MYOM1: variants seen among roughly 807,000 people sequenced by gnomAD.
MYOM1 encodes the protein myomesin 1.
Under a neutral mutation model 205.3 loss-of-function variants are expected in MYOM1, and 164 were observed. The ratio of observed to expected loss-of-function variants is 0.80; its 90% CI spans 0.70 to 0.91. The LOEUF is 0.91. Ranked by LOEUF, MYOM1 falls within the 40% of genes least tolerant of loss-of-function variation. The probability of loss-of-function intolerance (pLI) is 0.00; values close to 1 mark genes in which losing one functional copy is unlikely to be tolerated. For missense variants in MYOM1, 2,011 were observed against 2,127.3 expected, an observed-to-expected ratio of 0.95 and a Z score of 1.08; for synonymous variants, 772 against 789.4, an observed-to-expected ratio of 0.98 and a Z score of 0.37.
chr18:3,227,898 C>T, the MYOM1 span, among the ~76,000 whole-genome samples: 1 of 152,122 alleles, frequency 6.6e-6, no homozygotes, highest in Non-Finnish European at 1.5e-5. Context: ...TACTTACTGC[C>T]ACTGAACTGT....
chr18:3,120,690 A>G (rs565083362), intron 19 of MYOM1, among the ~76,000 whole-genome samples: 62 of 152,308 alleles, frequency 4.1e-4, no homozygotes, highest in African/African-American at 1.4e-3. Context: ...TTTGCTATGT[A>G]GCAATAGAAA....
intron 3 of MYOM1, among the ~76,000 whole-genome samples, 199 bp downstream of exon 3, chr18:3,193,619 T>C (rs1476837358): frequency 3.3e-5 from 5 of 152,150 alleles, no homozygotes; most frequent in African/African-American, 1.2e-4. Context: ...GGTTCCCAGC[T>C]TCCTCAGATC....
intron 10 of MYOM1, among the ~76,000 whole-genome samples, chr18:3,161,920 C>T (rs1321413085): frequency 6.6e-6 from 1 of 152,096 alleles, no homozygotes; most frequent in African/African-American, 2.4e-5. Context: ...GCCTAGAGGT[C>T]CTTCTGAGAG....
In MYOM1 at chr18:3,205,776, G is replaced by GTA. The variant is rs537097877; in HGVS notation, c.290+9156_290+9157dup. Among the ~76,000 whole-genome samples the GTA allele has an allele frequency of 1.3e-3, 194 of 152,196 alleles. 7 individuals carry two copies. In the South Asian group the frequency reaches 0.035, roughly 28 times the overall value. ...ATCTCCTTGTTCAATCGTTCACAAT[G>GTA]TATATACATATAACACGTTATAATA... On this transcript the variant is annotated intron_variant, in intron 2 of 37. Coordinates refer to ENST00000356443, the MANE Select transcript of MYOM1 (RefSeq NM_003803.4).
In MYOM1 at chr18:3,215,152, G is replaced by C; in HGVS notation, c.72C>G (p.Ser24Arg). The C allele has an allele frequency of 6.2e-7, 1 of 1,613,798 alleles. No homozygotes were observed. Among genetic ancestry groups the C allele is most frequent in the Non-Finnish European group, 8.5e-7 (1 of 1,179,846 alleles). ...TCTCCCGCTGGTAGTGACTCACGGTGCTGCGCACGTCCTTGTTGCGGTAGC... is the reference window on the plus strand; with the variant it reads ...TCTCCCGCTGGTAGTGACTCACGGTCCTGCGCACGTCCTTGTTGCGGTAGC... ...DLSYRNKDVR[S>R]TVSHYQREKK... Residue 24 changes from serine (S) to arginine (R), a missense_variant, in exon 2 of 38, where the codon AGC becomes AGG. By Grantham distance (110) the Ser-to-Arg change is moderately radical. Coordinates refer to ENST00000356443, the MANE Select transcript of MYOM1 (RefSeq NM_003803.4).
At chr18:3,203,114 A>G (rs144001848) in intron 2 of MYOM1, among the ~76,000 whole-genome samples, 4 of 151,720 alleles carry the variant, frequency 2.6e-5, no homozygotes, top group Non-Finnish European at 5.9e-5. Context: ...CAAAAACACA[A>G]CTTATTAAAA....
At chr18:3,240,883 C>G in the MYOM1 span, among the ~76,000 whole-genome samples, 1 of 152,282 alleles carries the variant, frequency 6.6e-6, no homozygotes, top group East Asian at 1.9e-4. Context: ...TTGTTGGGAA[C>G]TGGAGTAAAG....
At chr18:3,096,585 C>T (rs966352550) in intron 25 of MYOM1, among the ~76,000 whole-genome samples, 20 of 151,900 alleles carry the variant, frequency 1.3e-4, no homozygotes, top group Admixed American at 3.9e-4. Context: ...GGATTACAGG[C>T]GAGAGCCACC....
intron 17 of MYOM1, among the ~76,000 whole-genome samples, chr18:3,130,618 AT>A (rs1205971001): frequency 6.6e-6 from 1 of 151,624 alleles, no homozygotes; most frequent in Non-Finnish European, 1.5e-5. Flanking sequence ...TGCCTGGCTA[AT>A]TTTTTTTATT....
At chr18:3,226,362 C>T in the MYOM1 span, among the ~76,000 whole-genome samples, 8,191 of 152,140 alleles carry the variant, frequency 0.054, 510 homozygotes, top group African/African-American at 0.16. This position sits in a 1 kb window ranked among gnomAD's most constrained non-coding sequence, Gnocchi z 4.6. Context: ...CCTATTCTTC[C>T]CCAGGTGGCC....
chr18:3,242,098 T>C, the MYOM1 span, among the ~76,000 whole-genome samples: 1 of 152,212 alleles, frequency 6.6e-6, no homozygotes, highest in African/African-American at 2.4e-5. Flanking sequence ...GATTTTGGAC[T>C]GTGGACTTCT....
At chr18:3,089,293 A>T in intron 28 of MYOM1, 52 bp from the exon 29 acceptor site, 1 of 1,405,996 alleles carries the variant, frequency 7.1e-7, no homozygotes, top group Non-Finnish European at 1.0e-6. Context: ...CAAATGCAAA[A>T]TCAAAGCTCA....
At chr18:3,100,032 T>A in intron 25 of MYOM1, 127 bp downstream of exon 25, 1 of 933,798 alleles carries the variant, frequency 1.1e-6, no homozygotes, top group Admixed American at 2.2e-5. Context: ...TAGCTACTGA[T>A]GTGTGTTCCA....
chr18:3,113,107 T>C (rs1312128763), intron 21 of MYOM1, among the ~76,000 whole-genome samples: 1 of 151,784 alleles, frequency 6.6e-6, no homozygotes, highest in Non-Finnish European at 1.5e-5. Flanking sequence ...GCCACTAAAC[T>C]AGAATTACTA....
At chr18:3,172,814 A>G (rs905023997) in intron 8 of MYOM1, among the ~76,000 whole-genome samples, 1 of 152,160 alleles carries the variant, frequency 6.6e-6, no homozygotes, top group East Asian at 1.9e-4. Flanking sequence ...CCTGGCCCCA[A>G]CTATTCTATC....
chr18:3,165,598 G>A (rs989697091), intron 9 of MYOM1, among the ~76,000 whole-genome samples: 6 of 151,866 alleles, frequency 4.0e-5, no homozygotes, highest in Admixed American at 6.6e-5. Context: ...GTGCTTTATT[G>A]CAGTGTCTAC....
chr18:3,113,298 C>CTATATA (rs70964105), intron 21 of MYOM1, among the ~76,000 whole-genome samples: 430 of 145,040 alleles, frequency 3.0e-3, no homozygotes, highest in African/African-American at 7.1e-3. Context: ...GTGTTTGTGT[C>CTATATA]TATATATATA....
At chr18:3,103,372 TA>T (rs1023407198) in intron 22 of MYOM1, among the ~76,000 whole-genome samples, 23 of 152,214 alleles carry the variant, frequency 1.5e-4, no homozygotes, top group South Asian at 4.1e-4. Context: ...GTTTTTGGAT[TA>T]AAAAAAATTC....
chr18:3,238,943 C>G, the MYOM1 span, among the ~76,000 whole-genome samples: 1 of 152,188 alleles, frequency 6.6e-6, no homozygotes, highest in East Asian at 1.9e-4. Flanking sequence ...TCCAAGACCT[C>G]TTGTGGCAAC....
Sources: allele counts gnomAD v4.1 joint callset (sites outside exome capture counted in the v4.1 genomes callset), GRCh38; gene constraint gnomAD v4.1.1; non-coding constraint Gnocchi (gnomAD v3.1); transcripts MANE v1.5; gene names NCBI Gene and HGNC (gene_info 2026-07-23, HGNC 2026-07-21).